The following MFHAS1 variants were observed in gnomAD, a reference collection of about 807,000 sequenced individuals.
MFHAS1 encodes malignant fibrous histiocytoma-amplified sequence 1.
In MFHAS1, 50 loss-of-function variants were observed where a neutral mutation model predicts 70.4. The ratio of observed to expected loss-of-function variants is 0.71; its 90% CI spans 0.57 to 0.90. MFHAS1 has a LOEUF of 0.90. Ranked by LOEUF, MFHAS1 falls within the 40% of genes least tolerant of loss-of-function variation. MFHAS1 has a pLI of 0.00. For missense variants in MFHAS1, 1,795 were observed against 1,347.6 expected, an observed-to-expected ratio of 1.33 and a Z score of -5.20; for synonymous variants, 952 against 620.0, an observed-to-expected ratio of 1.54 and a Z score of -7.96.
chr8:8,805,039 G>A (rs1239416486), intron 1 of MFHAS1, among the ~76,000 whole-genome samples: 2 of 152,160 alleles, frequency 1.3e-5, no homozygotes, highest in Non-Finnish European at 2.9e-5. Context: ...GCTGCAGTTG[G>A]TCCAAGGGCC....
intron 2 of MFHAS1, among the ~76,000 whole-genome samples, chr8:8,787,585 T>G (rs974159369): frequency 5.3e-5 from 8 of 152,196 alleles, no homozygotes; most frequent in African/African-American, 1.4e-4. Flanking sequence ...TGCCTATTAA[T>G]ATAGTAAACT....
chr8:8,816,588 G>A (rs1806754308), intron 1 of MFHAS1, among the ~76,000 whole-genome samples: 1 of 152,164 alleles, frequency 6.6e-6, no homozygotes, highest in African/African-American at 2.4e-5. Flanking sequence ...GTGCCTTACT[G>A]TATTGTTGGT....
At chr8:8,849,184 G>A (rs1477495027) in intron 1 of MFHAS1, among the ~76,000 whole-genome samples, 3 of 139,288 alleles carry the variant, frequency 2.2e-5, no homozygotes, top group African/African-American at 5.2e-5. Context: ...GTGTTCAAGC[G>A]ATTCTCCTGC....
intron 1 of MFHAS1, among the ~76,000 whole-genome samples, chr8:8,812,068 A>G (rs972977218): frequency 6.6e-6 from 1 of 152,200 alleles, no homozygotes; most frequent in Non-Finnish European, 1.5e-5. Context: ...TTTTCAAACT[A>G]AAGAGAAAAC....
intron 1 of MFHAS1, among the ~76,000 whole-genome samples, chr8:8,859,416 G>C (rs774980513): frequency 2.6e-5 from 4 of 152,156 alleles, no homozygotes; most frequent in Non-Finnish European, 4.4e-5. Flanking sequence ...CATACACTAA[G>C]ATACTTGGTG....
intron 1 of MFHAS1, among the ~76,000 whole-genome samples, chr8:8,847,594 A>G (rs1808083270): frequency 6.6e-6 from 1 of 152,248 alleles, no homozygotes; most frequent in African/African-American, 2.4e-5. Flanking sequence ...TGGTGGTTAT[A>G]TACTAAGAAA....
chr8:8,817,078 A>G (rs978402372), intron 1 of MFHAS1, among the ~76,000 whole-genome samples: 3 of 152,190 alleles, frequency 2.0e-5, no homozygotes, highest in Non-Finnish European at 4.4e-5. Context: ...GTAATTAGAG[A>G]TCAGGACACT....
At chr8:8,799,408 A>G (rs1048485794) in intron 1 of MFHAS1, among the ~76,000 whole-genome samples, 2 of 152,250 alleles carry the variant, frequency 1.3e-5, no homozygotes, top group Non-Finnish European at 1.5e-5. Context: ...ACCATGGATA[A>G]GGGGACCACT....
intron 1 of MFHAS1, among the ~76,000 whole-genome samples, chr8:8,856,750 T>G (rs1046112221): frequency 6.6e-6 from 1 of 151,984 alleles, no homozygotes; most frequent in South Asian, 2.1e-4. Flanking sequence ...CAGACCCCCA[T>G]GATGTCTGGT....
intron 1 of MFHAS1, among the ~76,000 whole-genome samples, chr8:8,818,473 C>A (rs1191079136): frequency 6.6e-6 from 1 of 152,188 alleles, no homozygotes; most frequent in Non-Finnish European, 1.5e-5. Flanking sequence ...AGAGTACTTT[C>A]ATGAAGTCTG....
At chr8:8,820,934 TGA>T (rs1034417617) in intron 1 of MFHAS1, among the ~76,000 whole-genome samples, 2 of 152,208 alleles carry the variant, frequency 1.3e-5, no homozygotes, top group African/African-American at 4.8e-5. Flanking sequence ...ATAGCAGCAG[TGA>T]GAGAGAGAAG....
chr8:8,794,119 G>T (rs1204406909), intron 2 of MFHAS1, among the ~76,000 whole-genome samples: 15 of 152,086 alleles, frequency 9.9e-5, no homozygotes, highest in Non-Finnish European at 4.4e-5. Flanking sequence ...GAACCCTGGA[G>T]GTGGAGTTTG....
intron 2 of MFHAS1, among the ~76,000 whole-genome samples, chr8:8,792,849 T>G (rs1363168657): frequency 6.6e-6 from 1 of 152,194 alleles, no homozygotes; most frequent in Non-Finnish European, 1.5e-5. Flanking sequence ...AATGTATCTG[T>G]CACAATCTGT....
chr8:8,809,238 T>C (rs1421325365), intron 1 of MFHAS1, among the ~76,000 whole-genome samples: 1 of 152,126 alleles, frequency 6.6e-6, no homozygotes, highest in Non-Finnish European at 1.5e-5. Context: ...TACAATGTAA[T>C]AATAGTAGAA....
At chr8:8,815,397 G>T (rs1207238899) in intron 1 of MFHAS1, among the ~76,000 whole-genome samples, 1 of 152,114 alleles carries the variant, frequency 6.6e-6, no homozygotes, top group East Asian at 1.9e-4. Flanking sequence ...TGGAATTGCT[G>T]GGTCAAACGG....
At chr8:8,797,289 T>C in intron 2 of MFHAS1, 76 bp downstream of exon 2, 1 of 1,553,372 alleles carries the variant, frequency 6.4e-7, no homozygotes, top group Middle Eastern at 1.7e-4. Flanking sequence ...CAGTTTAACC[T>C]GGATTTTTGT....
intron 1 of MFHAS1, among the ~76,000 whole-genome samples, chr8:8,803,164 G>C (rs554433717): frequency 9.2e-5 from 14 of 152,276 alleles, no homozygotes; most frequent in African/African-American, 3.4e-4. Context: ...CTCCTTATCA[G>C]TGAGTTTTGC....
At chr8:8,811,296 G>T (rs1269684392) in intron 1 of MFHAS1, among the ~76,000 whole-genome samples, 2 of 149,946 alleles carry the variant, frequency 1.3e-5, no homozygotes, top group African/African-American at 5.0e-5. Context: ...AATTATAATT[G>T]CAAACCAGAA....
intron 1 of MFHAS1, among the ~76,000 whole-genome samples, chr8:8,869,173 C>A (rs1229931528): frequency 6.6e-6 from 1 of 152,148 alleles, no homozygotes; most frequent in African/African-American, 2.4e-5. Context: ...TGCTCTCCCA[C>A]CCTCCCCAAA....
Sources: gnomAD v4.1 joint callset for allele counts (sites outside exome capture counted in the v4.1 genomes callset) on GRCh38, gnomAD v4.1.1 for gene constraint, MANE v1.5 for transcripts, NCBI Gene and HGNC (gene_info 2026-07-23, HGNC 2026-07-21) for gene names.